The following CDH11 variants were observed in gnomAD, a reference collection of about 807,000 sequenced individuals.
CDH11 encodes the protein cadherin-11.
In CDH11, 11 loss-of-function variants were observed where a neutral mutation model predicts 67.8. The observed-to-expected ratio is 0.16, with a 90% CI of 0.10 to 0.27. The LOEUF (loss-of-function observed/expected upper bound fraction) is 0.27, where lower values mean the gene tolerates loss of function less well. Among genes scored for constraint, CDH11 ranks in the 10% least tolerant of loss-of-function variants. The probability of loss-of-function intolerance (pLI) is 1.00; values close to 1 mark genes in which losing one functional copy is unlikely to be tolerated. For synonymous variants in CDH11, 419 were observed against 400.0 expected (o/e 1.05, Z -0.57); for missense variants, 847 against 1,031.2 (o/e 0.82, Z 2.45).
intron 8 of CDH11, among the ~76,000 whole-genome samples, chr16:64,974,020 CCACT>C (rs1165502574): frequency 6.6e-6 from 1 of 152,030 alleles, no homozygotes; most frequent in African/African-American, 2.4e-5. Flanking sequence ...TTACTCCCAC[CCACT>C]AAGTTAACTT....
chr16:64,954,543 T>C (rs2071451513), intron 11 of CDH11, among the ~76,000 whole-genome samples: 1 of 152,200 alleles, frequency 6.6e-6, no homozygotes, highest in Non-Finnish European at 1.5e-5. Flanking sequence ...GGGATCCTTC[T>C]ACCAGAAAAC....
At chr16:65,103,099 TC>T (rs1293095198) in intron 1 of CDH11, among the ~76,000 whole-genome samples, 1 of 152,126 alleles carries the variant, frequency 6.6e-6, no homozygotes, top group Admixed American at 6.5e-5. Context: ...ATGGCACACC[TC>T]CTGGGTGCTC....
chr16:65,012,376 G>A (rs1018920163), intron 2 of CDH11, among the ~76,000 whole-genome samples: 3 of 152,166 alleles, frequency 2.0e-5, no homozygotes, highest in African/African-American at 7.2e-5. Flanking sequence ...GAGGAGGTGG[G>A]TGAATCAGAT....
At chr16:65,007,085 A>C (rs1290654059) in intron 2 of CDH11, 1 of 152,242 alleles carries the variant, frequency 6.6e-6, no homozygotes, top group Non-Finnish European at 1.5e-5. Context: ...GTTACTTGGG[A>C]TACCATAGCC....
intron 1 of CDH11, chr16:65,059,686 T>C (rs891354689): frequency 2.0e-5 from 3 of 152,190 alleles, no homozygotes; most frequent in African/African-American, 2.4e-5. Context: ...AAATTCTGGG[T>C]TCCCCGGGCA....
At chr16:65,048,628 T>C (rs1243753323) in intron 2 of CDH11, among the ~76,000 whole-genome samples, 1 of 152,000 alleles carries the variant, frequency 6.6e-6, no homozygotes, top group Non-Finnish European at 1.5e-5. Flanking sequence ...TAAAAAAGAA[T>C]GTAGTGTGTG....
intron 1 of CDH11, among the ~76,000 whole-genome samples, chr16:65,087,542 A>G (rs574249549): frequency 1.3e-5 from 2 of 152,320 alleles, no homozygotes; most frequent in South Asian, 4.1e-4. Flanking sequence ...TGATAAAAAT[A>G]ATGGAAATTA....
At chr16:65,104,935 A>C (rs1283592988) in intron 1 of CDH11, among the ~76,000 whole-genome samples, 1 of 152,218 alleles carries the variant, frequency 6.6e-6, no homozygotes, top group Non-Finnish European at 1.5e-5. Flanking sequence ...TATTTGGGGG[A>C]AATACATTCA....
chr16:64,971,711 T>C lies in CDH11; in HGVS notation c.1525-15A>G. The C allele has an allele frequency of 6.4e-7, 1 of 1,568,438 alleles. No homozygotes were observed. The highest frequency in any genetic ancestry group is 8.8e-7 in the Non-Finnish European group (1 of 1,139,662). ...GTAACAATTGGCTGAAAGAGAAAGG[T>C]GGCCCATAAATAAATCATGCTGACA... On this transcript the variant is annotated splice_polypyrimidine_tract_variant and intron_variant, in intron 10 of 12. Coordinates refer to ENST00000268603, the MANE Select transcript of CDH11 (RefSeq NM_001797.4).
chr16:65,065,398 A>G (rs865951097), intron 1 of CDH11, among the ~76,000 whole-genome samples: 1 of 152,226 alleles, frequency 6.6e-6, no homozygotes, highest in Non-Finnish European at 1.5e-5. Context: ...GAACAGCATG[A>G]AATAATTTGA....
chr16:65,094,093 T>C (rs1254869393), intron 1 of CDH11, among the ~76,000 whole-genome samples: 2 of 152,184 alleles, frequency 1.3e-5, no homozygotes, highest in Non-Finnish European at 2.9e-5. Context: ...AGAAGTCGAA[T>C]GGCCTTCATA....
intron 2 of CDH11, among the ~76,000 whole-genome samples, chr16:65,018,228 C>T (rs1396274624): frequency 6.6e-6 from 1 of 152,160 alleles, no homozygotes; most frequent in Non-Finnish European, 1.5e-5. Flanking sequence ...TTACTTTCCA[C>T]AGGTTAGGAA....
intron 12 of CDH11, among the ~76,000 whole-genome samples, chr16:64,949,705 C>T (rs1033983598): frequency 2.6e-5 from 4 of 152,100 alleles, no homozygotes; most frequent in Non-Finnish European, 4.4e-5. Flanking sequence ...GGATTACAGG[C>T]GTGAGCTACT....
chr16:65,048,864 C>T (rs978639183), intron 2 of CDH11, among the ~76,000 whole-genome samples: 6 of 151,772 alleles, frequency 4.0e-5, no homozygotes, highest in African/African-American at 1.5e-4. Context: ...GAGAATATTA[C>T]ACAGTCATAA....
intron 2 of CDH11, among the ~76,000 whole-genome samples, chr16:65,040,079 A>G (rs1175065350): frequency 2.6e-5 from 4 of 152,192 alleles, no homozygotes; most frequent in Non-Finnish European, 5.9e-5. Flanking sequence ...GGATGTGGAG[A>G]AATAGGAACA....
At chr16:64,961,076 A>G (rs1324071181) in intron 11 of CDH11, among the ~76,000 whole-genome samples, 2 of 152,084 alleles carry the variant, frequency 1.3e-5, no homozygotes, top group African/African-American at 2.4e-5. Flanking sequence ...TTCTTTTAGG[A>G]CGCTTCCTGG....
chr16:65,019,026 A>G (rs1450540698), intron 2 of CDH11, among the ~76,000 whole-genome samples: 10 of 152,228 alleles, frequency 6.6e-5, no homozygotes, highest in Admixed American at 6.5e-4. Context: ...AATTCATGTC[A>G]AAATTATAGG....
In CDH11 at chr16:65,004,936, T is replaced by TGCTGAGGGTGGCCTC; in HGVS notation, c.-82_-68dup. On this transcript the variant is annotated 5_prime_UTR_variant, in exon 3 of 13. Coordinates refer to ENST00000268603, the MANE Select transcript of CDH11 (RefSeq NM_001797.4). ...CCTTCCACCAACTGTACGGTGGTCT[T>TGCTGAGGGTGGCCTC]GCTGAGGGTGGCCTCCCGGACGCGT... The TGCTGAGGGTGGCCTC allele has an allele frequency of 4.1e-6, 6 of 1,446,022 alleles. No homozygotes were observed. Among genetic ancestry groups the TGCTGAGGGTGGCCTC allele is most frequent in the Non-Finnish European group, 5.5e-6 (6 of 1,094,896 alleles). 89.6% of individuals were successfully genotyped at this position (1,446,022 alleles called of 1,614,324 possible). A position where few individuals can be genotyped will look rare whatever the true frequency, so the allele number is the denominator to read the frequency against.
At position 65,054,676 on chromosome 16, in the gene CDH11, T is replaced by C. The variant is rs1272216560; in HGVS notation, c.-297-748A>G. On this transcript the variant is annotated intron_variant, in intron 1 of 12. Transcript: ENST00000268603. The stretch of plus-strand genomic sequence containing the variant: ...GGAATATGGAGTGTCTAAACAGCTG[T>C]CATCTTTAAAAACTGAGGCACTGAA... 2.0e-5 allele frequency among the ~76,000 whole-genome samples: 3 copies of C among 152,144 alleles called. No individual in the cohort carries two copies. The South Asian group carries it at 6.2e-4, about 31-fold the overall frequency.
Sources: allele counts gnomAD v4.1 joint callset (sites outside exome capture counted in the v4.1 genomes callset), GRCh38; gene constraint gnomAD v4.1.1; transcripts MANE v1.5; gene names NCBI Gene and HGNC (gene_info 2026-07-23, HGNC 2026-07-21).